Variants in WNK3 observed in about 807,000 individuals in gnomAD.
The protein encoded by WNK3 is serine/threonine-protein kinase WNK3.
Under a neutral mutation model 116.7 loss-of-function variants are expected in WNK3, and 18 were observed. The ratio of observed to expected loss-of-function variants is 0.15; its 90% CI spans 0.11 to 0.23. WNK3 has a LOEUF of 0.23. WNK3 is among the 10% of genes least tolerant of loss of function. The probability of loss-of-function intolerance (pLI) is 1.00; values close to 1 mark genes in which losing one functional copy is unlikely to be tolerated. For missense variants in WNK3, 993 were observed against 1,323.8 expected, an observed-to-expected ratio of 0.75 and a Z score of 3.88; for synonymous variants, 404 against 469.4, an observed-to-expected ratio of 0.86 and a Z score of 1.80.
intron 2 of WNK3, among the ~76,000 whole-genome samples, chrX:54,318,709 A>G (rs1557171535): frequency 9.0e-6 from 1 of 111,160 alleles, no homozygotes; most frequent in African/African-American, 3.3e-5. Flanking sequence ...TTGAAAAAAA[A>G]TAAGGAACTC....
At chrX:54,198,035 T>C (rs2067462372) in exon 24 of WNK3, 2 of 206,803 alleles carry the variant, frequency 9.7e-6, no homozygotes, top group Admixed American at 1.5e-4. Context: ...ATGCTCAAGC[T>C]GAGCTTATTA....
At chrX:54,205,498 C>G (rs961409451) in intron 22 of WNK3, among the ~76,000 whole-genome samples, 5 of 110,693 alleles carry the variant, frequency 4.5e-5, no homozygotes, top group African/African-American at 1.6e-4. Context: ...CAAACTGAAG[C>G]AAGTATTTAA....
exon 24 of WNK3, chrX:54,196,733 G>C (rs1557140235): frequency 1.8e-5 from 2 of 111,341 alleles, no homozygotes; most frequent in East Asian, 2.8e-4. Context: ...CTGAGCATTA[G>C]GTAACCCTGT....
At chrX:54,280,462 TTG>T (rs1557162129) in intron 10 of WNK3, among the ~76,000 whole-genome samples, 24 of 111,759 alleles carry the variant, frequency 2.1e-4, no homozygotes, top group Admixed American at 6.7e-4. Flanking sequence ...CAAAAATCAG[TTG>T]TATTTGTATG....
intron 22 of WNK3, among the ~76,000 whole-genome samples, chrX:54,222,153 G>A (rs1367830662): frequency 9.1e-6 from 1 of 109,697 alleles, no homozygotes; most frequent in Non-Finnish European, 1.9e-5. Flanking sequence ...GCAAAACTTC[G>A]TCTCAAAACA....
intron 22 of WNK3, among the ~76,000 whole-genome samples, chrX:54,222,936 A>AGTATAGTATAG (rs2067786392): frequency 1.0e-5 from 1 of 97,772 alleles, no homozygotes; most frequent in Non-Finnish European, 2.0e-5. Context: ...ATATATATAT[A>AGTATAGTATAG]TATAAAAAAA....
intron 7 of WNK3, among the ~76,000 whole-genome samples, chrX:54,296,537 G>A (rs192721409): frequency 1.0e-3 from 115 of 111,025 alleles, no homozygotes; most frequent in Non-Finnish European, 1.5e-3. Flanking sequence ...TTAAATACAG[G>A]AGTGAAGCAG....
rs60655785 is a variant in WNK3 at position 54,257,789 on chromosome X, C to CAA, written c.2102+1483_2102+1484dup. ...TGGGCAACAGAGTAAGACTCTGCCT[C>CAA]AAAAAAAAAAAAAAAAAAAAAAAAA... On this transcript the variant is annotated intron_variant, in intron 11 of 23. Coordinates refer to ENST00000354646, the Ensembl canonical transcript of WNK3. Among the ~76,000 whole-genome samples the CAA allele has an allele frequency of 6.9e-3, 108 of 15,649 alleles. 14 individuals are homozygous for CAA. Among genetic ancestry groups the CAA allele is most frequent in the African/African-American group, 0.031 (94 of 3,036 alleles). 13.6% of individuals were successfully genotyped at this position (15,649 alleles called of 115,157 possible).
exon 18 of WNK3, chrX:54,238,991 T>G: frequency 8.3e-7 from 1 of 1,210,751 alleles, no homozygotes; most frequent in Non-Finnish European, 1.1e-6. Context: ...CAAGTAAAGC[T>G]TAGGCCAAAA....
chrX:54,315,553 T>A (rs1557170672), intron 2 of WNK3, among the ~76,000 whole-genome samples: 1 of 111,582 alleles, frequency 9.0e-6, no homozygotes, highest in Non-Finnish European at 1.9e-5. Flanking sequence ...TCTTAGTTGA[T>A]TAGAGATTCT....
chrX:54,347,242 T>C (rs1335398927), intron 1 of WNK3, among the ~76,000 whole-genome samples: 1 of 112,416 alleles, frequency 8.9e-6, no homozygotes, highest in African/African-American at 3.2e-5. Flanking sequence ...TCCCACCACT[T>C]TGGGAGGCCA....
At chrX:54,297,105 A>G (rs1248391749) in intron 7 of WNK3, among the ~76,000 whole-genome samples, 4 of 111,291 alleles carry the variant, frequency 3.6e-5, no homozygotes, top group Non-Finnish European at 7.5e-5. Flanking sequence ...TGAAGCTGGA[A>G]TTGCTATAAC....
chrX:54,205,568 G>A (rs140496595), intron 22 of WNK3, among the ~76,000 whole-genome samples: 100 of 111,102 alleles, frequency 9.0e-4, no homozygotes, highest in African/African-American at 3.2e-3. Context: ...AAGCAAGACC[G>A]TGTCTCTTAA....
At chrX:54,293,774 G>A (rs969555910) in intron 8 of WNK3, among the ~76,000 whole-genome samples, 20 of 112,434 alleles carry the variant, frequency 1.8e-4, no homozygotes, top group Non-Finnish European at 3.8e-4. Context: ...GAAAATTAGA[G>A]GAATTGTGTT....
At chrX:54,347,713 T>C (rs1045405938) in intron 1 of WNK3, among the ~76,000 whole-genome samples, 63 of 85,586 alleles carry the variant, frequency 7.4e-4, no homozygotes, top group Non-Finnish European at 1.1e-3. Flanking sequence ...TATATACACA[T>C]ATATATATAT....
chrX:54,306,419 A>G (rs989567904), intron 5 of WNK3, among the ~76,000 whole-genome samples: 2 of 112,306 alleles, frequency 1.8e-5, no homozygotes, highest in Non-Finnish European at 3.8e-5. Context: ...GAATGAATAA[A>G]GAAAATGTGG....
intron 18 of WNK3, among the ~76,000 whole-genome samples, 180 bp from the exon 19 acceptor site, chrX:54,238,652 G>T (rs1175470746): frequency 1.8e-5 from 2 of 112,094 alleles, no homozygotes; most frequent in East Asian, 5.5e-4. Context: ...GACATTGCAA[G>T]ATTTATCCCA....
intron 23 of WNK3, among the ~76,000 whole-genome samples, chrX:54,201,095 C>A (rs2067497059): frequency 9.1e-6 from 1 of 110,419 alleles, no homozygotes; most frequent in Non-Finnish European, 1.9e-5. Context: ...AATTATAAGC[C>A]CTGATTCCAT....
chrX:54,325,603 C>T (rs2069090947), intron 2 of WNK3, among the ~76,000 whole-genome samples: 2 of 96,782 alleles, frequency 2.1e-5, no homozygotes, highest in African/African-American at 3.8e-5. Flanking sequence ...CGCTTGAACC[C>T]GGGAGGCGGA....
Sources: allele counts gnomAD v4.1 joint callset (sites outside exome capture counted in the v4.1 genomes callset), GRCh38; gene constraint gnomAD v4.1.1; transcripts MANE v1.5; gene names NCBI Gene and HGNC (gene_info 2026-07-23, HGNC 2026-07-21).